The following GNS variants were observed in gnomAD, a reference collection of about 807,000 sequenced individuals.
GNS encodes glucosamine (N-acetyl)-6-sulfatase.
In GNS, 40 loss-of-function variants were observed where a neutral mutation model predicts 69.7. That is an observed-to-expected ratio of 0.57 (90% CI 0.45 to 0.75). The LOEUF (loss-of-function observed/expected upper bound fraction) is 0.75. Ranked by LOEUF, GNS falls within the 30% of genes least tolerant of loss-of-function variation. The pLI, the probability that GNS is intolerant of heterozygous loss-of-function variation, is 0.00. For synonymous variants in GNS, 243 were observed against 251.6 expected (o/e 0.97, Z 0.32); for missense variants, 565 against 685.5 (o/e 0.82, Z 1.96).
chr12:64,727,881 C>T (rs12314781), intron 10 of GNS, among the ~76,000 whole-genome samples: 47 of 152,102 alleles, frequency 3.1e-4, no homozygotes, highest in African/African-American at 1.1e-3. Flanking sequence ...TTGTACCACT[C>T]TGAATACACC....
chr12:64,723,152 A>G lies in GNS; in HGVS notation c.1201-39T>C, dbSNP rs561971779. 9.3e-6 allele frequency: 11 copies of G among 1,187,998 alleles called. No individual in the cohort carries two copies. In the South Asian group the frequency reaches 1.1e-4, roughly 12 times the overall value. The allele number at this position is 1,187,998 out of a possible 1,614,324, so 73.6% of individuals were successfully genotyped here. A position where few individuals can be genotyped will look rare whatever the true frequency, so the allele number is the denominator to read the frequency against. ...CAAGTGGAATTTCTGTGATGCACAT[A>G]GACTATGATAAAGATCACAAAGTAA... On this transcript the variant is annotated intron_variant, in intron 10 of 13. Transcript: ENST00000258145.
In GNS at chr12:64,745,976, C is replaced by T. The variant is rs897685574; in HGVS notation, c.460-252G>A. The T allele has an allele frequency of 5.7e-6, 3 of 527,624 alleles. No individual in the cohort carries two copies. The Admixed American group carries it at 1.0e-4, about 18-fold the overall frequency. The allele number at this position is 527,624 out of a possible 1,614,324, so 32.7% of individuals were successfully genotyped here. A position where few individuals can be genotyped will look rare whatever the true frequency, so the allele number is the denominator to read the frequency against. On this transcript the variant is annotated intron_variant, in intron 3 of 13. Transcript: ENST00000258145. ...TATGAACAGCAAGCTAAGAATTTAA[C>T]AATTTTAAAATATAAAAGTTAATCA...
At chr12:64,725,995 C>CAAAAAAAAAAAAAAAAAAAAAAAA (rs34734900) in intron 10 of GNS, among the ~76,000 whole-genome samples, 1 of 49,214 alleles carries the variant, frequency 2.0e-5, no homozygotes, top group Non-Finnish European at 3.5e-5. Flanking sequence ...GACTCTGTCT[C>CAAAAAAAAAAAAAAAAAAAAAAAA]AAAAAAAAAA....
chr12:64,751,130 T>A (rs1030112189), intron 2 of GNS, among the ~76,000 whole-genome samples: 1 of 152,176 alleles, frequency 6.6e-6, no homozygotes, highest in Non-Finnish European at 1.5e-5. Context: ...GAAGGATCAC[T>A]TGAGCTCAGG....
intron 10 of GNS, among the ~76,000 whole-genome samples, chr12:64,727,349 T>C (rs1869237054): frequency 9.7e-6 from 1 of 103,416 alleles, no homozygotes; most frequent in Admixed American, 9.3e-5. Flanking sequence ...GGTGGGAGGA[T>C]CCTCTGAGCG....
In GNS at chr12:64,723,031, C is replaced by T. The variant is rs1378014651; in HGVS notation, c.1283G>A (p.Cys428Tyr). The T allele has an allele frequency of 6.2e-7, 1 of 1,608,428 alleles. No individual in the cohort carries two copies. Among genetic ancestry groups the T allele is most frequent in the Non-Finnish European group, 8.5e-7 (1 of 1,174,778 alleles). The change falls in exon 11 of 14, where the codon TGC (cysteine) becomes TAC (tyrosine). Residue 428 changes from cysteine to tyrosine, a missense_variant. Around this residue, in one of 2 missense-constraint regions of GNS, gnomAD observed 384 missense variants for 511.0 expected, o/e 0.75. Transcript: ENST00000258145. ...GEGRNVTDPT[C>Y]PSLSPGVSQC... ...AGATACGCCAGGACTCAGGGAAGGGCATGTTGGGTCAGTGACGTTACGGCC... is the reference window on the plus strand; with the variant it reads ...AGATACGCCAGGACTCAGGGAAGGGTATGTTGGGTCAGTGACGTTACGGCC...
At chr12:64,742,413 T>C (rs1269547) in intron 6 of GNS, among the ~76,000 whole-genome samples, 74,090 of 152,140 alleles carry the variant, frequency 0.49, 18,663 homozygotes, top group South Asian at 0.62. Flanking sequence ...TAATTGTTTC[T>C]ATGTACTTGA....
chr12:64,746,606 A>T (rs1196298077), intron 3 of GNS, among the ~76,000 whole-genome samples: 1 of 152,206 alleles, frequency 6.6e-6, no homozygotes, highest in African/African-American at 2.4e-5. Context: ...AATAAAATAA[A>T]GAAACCACAG....
intron 3 of GNS, chr12:64,745,928 C>A: frequency 1.7e-6 from 1 of 572,608 alleles, no homozygotes; most frequent in Non-Finnish European, 3.1e-6. Flanking sequence ...GCCAGTGAGC[C>A]AAATCTGGCC....
At chr12:64,756,187 A>G (rs1870245023) in intron 1 of GNS, among the ~76,000 whole-genome samples, 2 of 152,236 alleles carry the variant, frequency 1.3e-5, no homozygotes, top group African/African-American at 4.8e-5. Flanking sequence ...GAAAAATTCC[A>G]CTATAAATCT....
chr12:64,725,952 T>C (rs1256726681), intron 10 of GNS, among the ~76,000 whole-genome samples: 18 of 120,276 alleles, frequency 1.5e-4, no homozygotes, highest in African/African-American at 5.0e-4. Context: ...GCTGAGATCA[T>C]GCCACTGCAC....
rs1869032304 is a variant in GNS at position 64,721,699 on chromosome 12, A to G, written c.1315T>C (p.Phe439Leu). The change falls in exon 12 of 14, where the codon TTC becomes CTC. Residue 439 changes from phenylalanine (F) to leucine (L), a missense_variant. By Grantham distance (22) the Phe-to-Leu change is conservative. Transcript: ENST00000258145. The part of the protein sequence containing the change: ...PSLSPGVSQC[F>L]PDCVCEDAYN... ...GCATCTTCACATACACAGTCTGGGA[A>G]GCATTGCTGTAGGGATATTTCAAAA... 3 of 1,470,726 alleles carry G rather than the reference A, an allele frequency of 2.0e-6. No individual in the cohort carries two copies. The highest frequency in any genetic ancestry group is 2.9e-6 in the Non-Finnish European group (3 of 1,048,786). The allele number at this position is 1,470,726 out of a possible 1,614,324, so 91.1% of individuals were successfully genotyped here. A position where few individuals can be genotyped will look rare whatever the true frequency, so the allele number is the denominator to read the frequency against.
chr12:64,744,708 C>A, intron 5 of GNS, 101 bp downstream of exon 5: 1 of 741,538 alleles, frequency 1.3e-6, no homozygotes, highest in East Asian at 2.6e-5. Flanking sequence ...ATTTATATTA[C>A]CCAACACAAA....
intron 1 of GNS, among the ~76,000 whole-genome samples, chr12:64,755,192 C>T (rs908042167): frequency 6.6e-6 from 1 of 152,162 alleles, no homozygotes; most frequent in Admixed American, 6.5e-5. Context: ...CATTAAAACC[C>T]TAAAGAATCA....
chr12:64,721,944 ACTC>A (rs1391028109), intron 11 of GNS, among the ~76,000 whole-genome samples: 2 of 151,902 alleles, frequency 1.3e-5, no homozygotes, highest in African/African-American at 4.8e-5. Context: ...TGTCTGCTAA[ACTC>A]CTGACAATAA....
rs1432455395 is a variant in GNS at position 64,740,632 on chromosome 12, C to T, written c.849G>A (p.Gln283=). The T allele has an allele frequency of 2.5e-6, 4 of 1,576,286 alleles. No homozygotes were observed. Among genetic ancestry groups the T allele is most frequent in the Non-Finnish European group, 3.5e-6 (4 of 1,145,704 alleles). ...TTTTCCTAAATGCATTATCTAAAAA[C>T]TGTATTGAAGAATTAGTCATTGGAG... is the stretch of plus-strand genomic sequence containing the variant. ...AKTPMTNSSI[Q]FLDNAFRKRW... The change falls in exon 7 of 14, where the codon CAG becomes CAA. Residue 283 remains glutamine, a synonymous_variant. Transcript: ENST00000258145.
intron 10 of GNS, among the ~76,000 whole-genome samples, chr12:64,726,602 C>T (rs553025711): frequency 2.0e-5 from 3 of 152,250 alleles, no homozygotes; most frequent in Non-Finnish European, 4.4e-5. Flanking sequence ...TCAAGCGATC[C>T]TGCTACCTCA....
intron 10 of GNS, among the ~76,000 whole-genome samples, chr12:64,723,845 A>C (rs1210275907): frequency 1.3e-5 from 2 of 152,226 alleles, no homozygotes; most frequent in African/African-American, 2.4e-5. Context: ...GTGGAGAGGC[A>C]GGCTGGTACC....
intron 12 of GNS, among the ~76,000 whole-genome samples, chr12:64,721,293 T>C (rs1869019541): frequency 6.6e-6 from 1 of 152,222 alleles, no homozygotes; most frequent in Admixed American, 6.5e-5. Context: ...TAGAAAATGC[T>C]CCAACCAATC....
Sources: gnomAD v4.1 joint callset for allele counts (sites outside exome capture counted in the v4.1 genomes callset) on GRCh38, gnomAD v4.1.1 for gene constraint, gnomAD v4.1.1 regional missense constraint, MANE v1.5 for transcripts, NCBI Gene and HGNC (gene_info 2026-07-23, HGNC 2026-07-21) for gene names.